Variants in LRRC4B observed in about 807,000 individuals in gnomAD.
LRRC4B encodes leucine rich repeat containing 4B, also known as leucine-rich repeat-containing protein 4B.
A neutral mutation model predicts 7.3 loss-of-function variants in LRRC4B; 1 was observed. That is an observed-to-expected ratio of 0.14 (90% CI 0.05 to 0.65). The LOEUF (loss-of-function observed/expected upper bound fraction) is 0.65, where lower values mean the gene tolerates loss of function less well. LRRC4B is among the 30% of genes least tolerant of loss of function. The pLI, the probability that LRRC4B is intolerant of heterozygous loss-of-function variation, is 0.84. For missense variants in LRRC4B, 730 were observed against 1,041.6 expected, an observed-to-expected ratio of 0.70 and a Z score of 4.12; for synonymous variants, 500 against 499.2, an observed-to-expected ratio of 1.00 and a Z score of -0.02.
At chr19:50,567,668 C>A (rs1982676846) in intron 1 of LRRC4B, among the ~76,000 whole-genome samples, 1 of 150,218 alleles carries the variant, frequency 6.7e-6, no homozygotes, top group East Asian at 2.0e-4. Flanking sequence ...ACGCAGCGAC[C>A]GCCGGACGCA....
intron 2 of LRRC4B, among the ~76,000 whole-genome samples, chr19:50,522,117 G>A (rs929654354): frequency 6.6e-6 from 1 of 152,172 alleles, no homozygotes; most frequent in African/African-American, 2.4e-5. Flanking sequence ...GGCCAAGGCT[G>A]CAGTGAACTG....
At chr19:50,539,525 C>CT (rs953636360) in intron 2 of LRRC4B, among the ~76,000 whole-genome samples, 38 of 149,016 alleles carry the variant, frequency 2.6e-4, no homozygotes, top group East Asian at 1.4e-3. Flanking sequence ...CCAGTATAGC[C>CT]TTTTTTTTTT....
At chr19:50,562,314 T>C (rs1024441724) in intron 1 of LRRC4B, among the ~76,000 whole-genome samples, 5 of 152,054 alleles carry the variant, frequency 3.3e-5, no homozygotes, top group Non-Finnish European at 4.4e-5. Context: ...GGGACCCACC[T>C]CTCTGGGCCT....
intron 2 of LRRC4B, among the ~76,000 whole-genome samples, chr19:50,531,966 T>C (rs1432418091): frequency 6.6e-6 from 1 of 152,196 alleles, no homozygotes; most frequent in Non-Finnish European, 1.5e-5. Context: ...CTCACGCCAG[T>C]AATCCCAGCA....
Position 50,553,248 on chromosome 19 carries a change from T to TC in LRRC4B, c.-35-4376dup, listed in dbSNP as rs1305616596. Among the ~76,000 whole-genome samples the TC allele has an allele frequency of 6.6e-6, 1 of 151,824 alleles. No individual in the cohort carries two copies. Among genetic ancestry groups the TC allele is most frequent in the East Asian group, 1.9e-4 (1 of 5,170 alleles). On this transcript the variant is annotated intron_variant, in intron 1 of 2. Transcript: ENST00000652263. The surrounding 1 kb of genome is among the most constrained non-coding windows in gnomAD (Gnocchi z 4.2). The stretch of plus-strand genomic sequence containing the variant: ...GCCTTCACCCCCACTCCCCGTGCGT[T>TC]CCCCACGGGCAGCGAGGGGTATCCT...
At chr19:50,533,433 C>T (rs917013885) in intron 2 of LRRC4B, among the ~76,000 whole-genome samples, 1 of 145,270 alleles carries the variant, frequency 6.9e-6, no homozygotes, top group African/African-American at 2.9e-5. Flanking sequence ...AGACCAAAGA[C>T]CAGTTAATTC....
chr19:50,539,985 C>T (rs938924043), intron 2 of LRRC4B, among the ~76,000 whole-genome samples: 1 of 151,566 alleles, frequency 6.6e-6, no homozygotes, highest in Non-Finnish European at 1.5e-5. Flanking sequence ...AATACTAATG[C>T]AAAGAGAAAA....
chr19:50,543,852 C>CAAAA (rs36044151), intron 2 of LRRC4B, among the ~76,000 whole-genome samples: 60 of 82,654 alleles, frequency 7.3e-4, no homozygotes, highest in Non-Finnish European at 9.3e-4. Context: ...GCCTCCATCT[C>CAAAA]AAAAAAAAAA....
At chr19:50,520,247 AGAAG>A (rs148920361) in intron 2 of LRRC4B, among the ~76,000 whole-genome samples, 1,398 of 15,584 alleles carry the variant, frequency 0.09, 248 homozygotes, top group Middle Eastern at 0.23. Context: ...AAAAAAAAAA[AGAAG>A]AAAAGAAAAG....
intron 1 of LRRC4B, among the ~76,000 whole-genome samples, chr19:50,560,753 G>A (rs979859383): frequency 1.5e-4 from 23 of 152,332 alleles, no homozygotes; most frequent in African/African-American, 5.5e-4. Flanking sequence ...TGGAGACCAT[G>A]TACAGTGCTT....
At position 50,548,765 on chromosome 19, in the gene LRRC4B, A is replaced by G; in HGVS notation, c.74T>C (p.Leu25Pro). 2 of 1,537,216 alleles carry G rather than the reference A, an allele frequency of 1.3e-6. No homozygotes were observed. Among genetic ancestry groups the G allele is most frequent in the Non-Finnish European group, 1.7e-6 (2 of 1,146,222 alleles). Residue 25 changes from leucine to proline, a missense_variant, in exon 2 of 3, where the codon CTC becomes CCC. Transcript: ENST00000652263. This position sits in a 1 kb window ranked among gnomAD's most constrained non-coding sequence, Gnocchi z 6.8. ...GRMSWPHGAL[L>P]FLWLFSPPLG... is the part of the protein sequence containing the mutation. Reference sequence around the variant, plus strand: ...GGGTGGGGAGAAGAGCCAGAGGAAGAGCAATGCCCCGTGGGGCCAGGACAT... The same window carrying G: ...GGGTGGGGAGAAGAGCCAGAGGAAGGGCAATGCCCCGTGGGGCCAGGACAT...
intron 1 of LRRC4B, among the ~76,000 whole-genome samples, chr19:50,566,449 T>A (rs1982631678): frequency 6.7e-6 from 1 of 150,132 alleles, no homozygotes; most frequent in Admixed American, 6.6e-5. Context: ...CCAGGGGAAT[T>A]CCCCACCCCG....
chr19:50,528,393 G>A (rs111677833), intron 2 of LRRC4B, among the ~76,000 whole-genome samples: 1,654 of 152,112 alleles, frequency 0.011, 35 homozygotes, highest in East Asian at 0.1. Context: ...CGCCCAGGCT[G>A]GACTGCAGTG....
intron 2 of LRRC4B, among the ~76,000 whole-genome samples, chr19:50,522,910 T>C (rs1980644580): frequency 1.3e-5 from 2 of 152,250 alleles, no homozygotes; most frequent in Admixed American, 1.3e-4. Context: ...AATATCGGAA[T>C]GTCAAAACGC....
intron 1 of LRRC4B, among the ~76,000 whole-genome samples, chr19:50,567,331 G>C (rs1367438043): frequency 6.6e-6 from 1 of 151,808 alleles, no homozygotes; most frequent in Admixed American, 6.6e-5. Flanking sequence ...CCCAGAGGGA[G>C]AAGGGCTGAA....
intron 2 of LRRC4B, among the ~76,000 whole-genome samples, chr19:50,527,996 C>T (rs1049822752): frequency 9.2e-5 from 14 of 151,916 alleles, no homozygotes; most frequent in Non-Finnish European, 1.8e-4. Context: ...CTGCCTCGGC[C>T]TCCCAAAGTG....
rs79408994 is a variant in LRRC4B at position 50,553,445 on chromosome 19, A to G, written c.-35-4572T>C. On this transcript the variant is annotated intron_variant, in intron 1 of 2. Transcript: ENST00000652263. The surrounding 1 kb of genome is among the most constrained non-coding windows in gnomAD (Gnocchi z 4.2). The stretch of plus-strand genomic sequence containing the variant: ...CCTGCTCACTCGCTGTTTCCAGAAC[A>G]GGCCGTGCACACCCCGGCCCCAGGG... Among the ~76,000 whole-genome samples, 433 of 152,248 alleles carry G rather than the reference A, an allele frequency of 2.8e-3. 3 individuals carry two copies. The highest frequency in any genetic ancestry group is 9.9e-3 in the African/African-American group (411 of 41,538).
chr19:50,547,654 C>T (rs139049304), intron 2 of LRRC4B, among the ~76,000 whole-genome samples: 2 of 148,064 alleles, frequency 1.4e-5, no homozygotes, highest in African/African-American at 5.0e-5. Flanking sequence ...CTACTGGCAT[C>T]TAGTGGCCGG....
At chr19:50,536,834 T>G (rs180789213) in intron 2 of LRRC4B, among the ~76,000 whole-genome samples, 91 of 152,290 alleles carry the variant, frequency 6.0e-4, no homozygotes, top group African/African-American at 2.1e-3. Flanking sequence ...CTGGGGTAGC[T>G]TCTGGTGCCC....
Sources: gnomAD v4.1 joint callset for allele counts (sites outside exome capture counted in the v4.1 genomes callset) on GRCh38, gnomAD v4.1.1 for gene constraint, Gnocchi (gnomAD v3.1) non-coding constraint, MANE v1.5 for transcripts, NCBI Gene and HGNC (gene_info 2026-07-23, HGNC 2026-07-21) for gene names.